The following RYR1 variants were observed in gnomAD, a reference collection of about 807,000 sequenced individuals.
RYR1 encodes ryanodine receptor 1, also known as central core disease of muscle.
Under a neutral mutation model 583.5 loss-of-function variants are expected in RYR1, and 342 were observed. The observed-to-expected ratio is 0.59, with a 90% CI of 0.54 to 0.64. RYR1 has a LOEUF of 0.64. Ranked by LOEUF, RYR1 falls within the 30% of genes least tolerant of loss-of-function variation. RYR1 has a pLI of 0.00. For missense variants in RYR1, 6,032 were observed against 6,917.2 expected (o/e 0.87, Z 4.54); for synonymous variants, 2,791 against 2,822.5 (o/e 0.99, Z 0.35).
chr19:38,529,117 C>T (rs891921605), intron 76 of RYR1, 60 bp downstream of exon 76: 1 of 1,554,392 alleles, frequency 6.4e-7, no homozygotes, highest in Non-Finnish European at 8.9e-7. Flanking sequence ...ACCCCCAGCC[C>T]AGCAGCTTCC....
chr19:38,499,262 T>C lies in RYR1; in HGVS notation c.7027+19T>C. On this transcript the variant is annotated intron_variant, in intron 43 of 105. Transcript: ENST00000359596. This position sits in a 1 kb window ranked among gnomAD's most constrained non-coding sequence, Gnocchi z 7.3. Reference sequence around the variant, plus strand: ...GTCAACGGTGAGGAGGGGGTGGCAGTGGCAGAGCGGGAAGTATGGAGTCAC... The same window carrying C: ...GTCAACGGTGAGGAGGGGGTGGCAGCGGCAGAGCGGGAAGTATGGAGTCAC... 1 of 1,614,096 alleles carries C rather than the reference T, an allele frequency of 6.2e-7. No homozygotes were observed. Among genetic ancestry groups the C allele is most frequent in the Non-Finnish European group, 8.5e-7 (1 of 1,179,980 alleles).
chr19:38,579,834 C>A, intron 99 of RYR1, 148 bp from the exon 100 acceptor site: 1 of 978,738 alleles, frequency 1.0e-6, no homozygotes, highest in Non-Finnish European at 1.6e-6. Context: ...CCTTCTCACC[C>A]GGAATGCCCT....
At chr19:38,536,240 T>A (rs1600964472) in intron 82 of RYR1, among the ~76,000 whole-genome samples, 170 bp downstream of exon 82, 1 of 34,488 alleles carries the variant, frequency 2.9e-5, no homozygotes, top group African/African-American at 1.2e-4. Flanking sequence ...ACCCCCTCCA[T>A]CCCCCTGGGG....
rs771024285 is a variant in RYR1, at chr19:38,486,072, C to T, written c.5417C>T (p.Ala1806Val). ...CTCAGCCCTGCCATCCCGCTGGAGG[C>T]CCTGCGGGACAAGGCACTGAGGATG... ...ARLSPAIPLE[A>V]LRDKALRMLG... Residue 1806 changes from alanine to valine, a missense_variant, in exon 34 of 106, where the codon GCC becomes GTC. This residue lies in a region of RYR1 where 2,627 missense variants were observed against 2,961.3 expected (regional missense o/e 0.89). Transcript: ENST00000359596. The T allele has an allele frequency of 3.7e-6, 6 of 1,612,378 alleles. No homozygotes were observed. Among genetic ancestry groups the T allele is most frequent in the African/African-American group, 1.3e-5 (1 of 74,914 alleles).
intron 66 of RYR1, 78 bp from the exon 67 acceptor site, chr19:38,519,136 G>C: frequency 1.2e-6 from 2 of 1,610,518 alleles, no homozygotes; most frequent in South Asian, 1.1e-5. Context: ...GATGCTGTTT[G>C]GGAGTCGGGC....
At position 38,565,176 on chromosome 19, in the gene RYR1, G is replaced by C. The variant is rs754173025; in HGVS notation, c.12842G>C (p.Gly4281Ala). The C allele has an allele frequency of 2.0e-5, 24 of 1,195,820 alleles. No homozygotes were observed. The highest frequency in any genetic ancestry group is 3.8e-5 in the East Asian group (1 of 26,292). 74.1% of individuals were successfully genotyped at this position (1,195,820 alleles called of 1,614,324 possible). A position where few individuals can be genotyped will look rare whatever the true frequency, so the allele number is the denominator to read the frequency against. The change falls in exon 91 of 106, where the codon GGG becomes GCG. Residue 4281 changes from glycine (G) to alanine (A), a missense_variant. Transcript: ENST00000359596. This position sits in a 1 kb window ranked among gnomAD's most constrained non-coding sequence, Gnocchi z 4.7. ...GAAGGCGCGGAGGAGGGCGCGGCGG[G>C]GCTCGAGGGCACGGCGGCCACGGCG... ...GAEGAEEGAA[G>A]LEGTAATAAA...
At chr19:38,445,775 G>T (rs1213399737) in intron 7 of RYR1, among the ~76,000 whole-genome samples, 1 of 152,176 alleles carries the variant, frequency 6.6e-6, no homozygotes, top group Non-Finnish European at 1.5e-5. Context: ...GATCACTTGA[G>T]ATCAGGAGTT....
chr19:38,471,337 T>C (rs996794272), intron 27 of RYR1, among the ~76,000 whole-genome samples: 1 of 152,136 alleles, frequency 6.6e-6, no homozygotes, highest in Non-Finnish European at 1.5e-5. Context: ...AAGACCAGCC[T>C]GGGCAACATA....
chr19:38,451,532 C>T (rs1036324759), intron 11 of RYR1, among the ~76,000 whole-genome samples: 5 of 151,810 alleles, frequency 3.3e-5, no homozygotes, highest in African/African-American at 1.2e-4. Flanking sequence ...GATAGAGAGA[C>T]AAAGACAGAC....
chr19:38,452,224 C>T (rs986619678), intron 12 of RYR1, among the ~76,000 whole-genome samples: 4 of 151,382 alleles, frequency 2.6e-5, no homozygotes, highest in African/African-American at 9.7e-5. Context: ...ATCGCTTGAG[C>T]CCAGGAGTTC....
chr19:38,567,106 A>C, intron 92 of RYR1, 119 bp downstream of exon 92: 1 of 1,501,538 alleles, frequency 6.7e-7, no homozygotes, highest in Admixed American at 2.0e-5. Flanking sequence ...GGCATCACCC[A>C]GCCCAGACTC....
At chr19:38,549,698 CTTTTTTTT>C (rs71165559) in intron 89 of RYR1, among the ~76,000 whole-genome samples, 1 of 52,410 alleles carries the variant, frequency 1.9e-5, no homozygotes, top group Non-Finnish European at 3.2e-5. Flanking sequence ...CTTTCCTTTC[CTTTTTTTT>C]TTTTTTTTTT....
rs879255343 is a variant in RYR1 at position 38,490,657 on chromosome 19, G to C, written c.6052G>C (p.Glu2018Gln). The C allele has an allele frequency of 1.2e-6, 2 of 1,613,296 alleles. No individual in the cohort carries two copies. ...MLLQFKDGTDEEDCPLPEEIR... is the reference protein window; with the variant it reads ...MLLQFKDGTDQEDCPLPEEIR... ...ATTGCAATTCAAAGATGGTACAGAT[G>C]AGGAAGACTGTCCTCTCCCTGAAGA... The change falls in exon 37 of 106, where the codon GAG becomes CAG. Residue 2018 changes from glutamate (E) to glutamine (Q), a missense_variant. Coordinates refer to ENST00000359596, the MANE Select transcript of RYR1 (RefSeq NM_000540.3).
At chr19:38,585,222 C>G in intron 102 of RYR1, 123 bp downstream of exon 102, 1 of 1,218,792 alleles carries the variant, frequency 8.2e-7, no homozygotes, top group Non-Finnish European at 1.2e-6. Flanking sequence ...ACTGTGAGAC[C>G]TTGGGCAAGT....
rs1041038124 is a variant in RYR1 at position 38,483,815 on chromosome 19, C to T, written c.4934+299C>T. ...ACTCCACAGGGCCCCAAACCCATCT[C>T]AGGGAGCCAGACCCACATCAACACC... is the stretch of plus-strand genomic sequence containing the variant. On this transcript the variant is annotated intron_variant, in intron 33 of 105. Coordinates refer to ENST00000359596, the MANE Select transcript of RYR1 (RefSeq NM_000540.3). This position sits in a 1 kb window ranked among gnomAD's most constrained non-coding sequence, Gnocchi z 6.3. 6.6e-6 allele frequency among the ~76,000 whole-genome samples: 1 copy of T among 152,000 alleles called. No homozygotes were observed. The highest frequency in any genetic ancestry group is 2.4e-5 in the African/African-American group (1 of 41,376).
At chr19:38,489,721 C>T (rs200992490) in intron 35 of RYR1, among the ~76,000 whole-genome samples, 7 of 152,240 alleles carry the variant, frequency 4.6e-5, no homozygotes, top group South Asian at 2.1e-4. Flanking sequence ...CTCCGCCTCC[C>T]GGGTTCAAGC....
intron 28 of RYR1, among the ~76,000 whole-genome samples, chr19:38,474,302 C>T (rs1600732935): frequency 1.3e-5 from 2 of 151,198 alleles, no homozygotes; most frequent in South Asian, 4.2e-4. Context: ...GAATCTCTGT[C>T]GCCAGGCTGG....
rs1308257190 is a variant in RYR1 at position 38,455,367 on chromosome 19, C to T, written c.1573C>T (p.Leu525=). Residue 525 remains leucine, a synonymous_variant, in exon 14 of 106, where the codon CTA becomes TTA. Transcript: ENST00000359596. ...KEIVNLLYEL[L]ASLIRGNRSN... is the part of the protein sequence containing the mutation. The stretch of plus-strand genomic sequence containing the variant: ...GATTGTGAATCTTCTCTATGAACTC[C>T]TAGGTAGGGGTCCCAGTCCTGACTC... 2.5e-6 allele frequency: 4 copies of T among 1,614,046 alleles called. No homozygotes were observed. The highest frequency in any genetic ancestry group is 3.4e-6 in the Non-Finnish European group (4 of 1,179,984).
chr19:38,543,623 C>T lies in RYR1; in HGVS notation c.11870C>T (p.Ala3957Val). ...KRNFSKAMSVAKQVFNSLTEY... is the reference protein window; with the variant it reads ...KRNFSKAMSVVKQVFNSLTEY... ...AACTTCTCCAAAGCCATGTCGGTGG[C>T]TAAGCAGGTGTTCAACAGCCTCACT... The change falls in exon 86 of 106, where the codon GCT (alanine) becomes GTT (valine). Residue 3957 changes from alanine (A) to valine (V), a missense_variant. Physicochemically the swap from Ala to Val is moderately conservative, Grantham distance 64. This residue lies in a region of RYR1 where 82 missense variants were observed against 139.7 expected (regional missense o/e 0.59). Coordinates refer to ENST00000359596, the MANE Select transcript of RYR1 (RefSeq NM_000540.3). This position sits in a 1 kb window ranked among gnomAD's most constrained non-coding sequence, Gnocchi z 4.4. The T allele has an allele frequency of 1.9e-6, 3 of 1,614,124 alleles. No homozygotes were observed. The highest frequency in any genetic ancestry group is 2.5e-6 in the Non-Finnish European group (3 of 1,180,020).
Sources: gnomAD v4.1 joint callset for allele counts (sites outside exome capture counted in the v4.1 genomes callset) on GRCh38, gnomAD v4.1.1 for gene constraint, gnomAD v4.1.1 regional missense constraint, Gnocchi (gnomAD v3.1) non-coding constraint, MANE v1.5 for transcripts, NCBI Gene and HGNC (gene_info 2026-07-23, HGNC 2026-07-21) for gene names.